The following MAGI2 variants were observed in gnomAD, a reference collection of about 807,000 sequenced individuals.
MAGI2 encodes the protein membrane associated guanylate kinase, WW and PDZ domain containing 2.
MAGI2 carries 35 observed loss-of-function variants against 133.3 expected under a neutral mutation model. The observed-to-expected ratio is 0.26, with a 90% CI of 0.20 to 0.35. MAGI2 has a LOEUF of 0.35. Ranked by LOEUF, MAGI2 falls within the 10% of genes least tolerant of loss-of-function variation. The pLI, the probability that MAGI2 is intolerant of heterozygous loss-of-function variation, is 1.00. For synonymous variants in MAGI2, 729 were observed against 710.6 expected (o/e 1.03, Z -0.41); for missense variants, 1,636 against 1,863.4 (o/e 0.88, Z 2.25).
At chr7:78,489,053 CT>C (rs372606183) in intron 6 of MAGI2, among the ~76,000 whole-genome samples, 7 of 152,090 alleles carry the variant, frequency 4.6e-5, no homozygotes, top group African/African-American at 1.7e-4. Flanking sequence ...CTTAGCTAAA[CT>C]GTAAGTGCTC....
intron 2 of MAGI2, among the ~76,000 whole-genome samples, chr7:78,701,657 TTCCTTCCTTACTTTCC>T (rs1818087623): frequency 6.6e-6 from 1 of 151,956 alleles, no homozygotes; most frequent in African/African-American, 2.4e-5. Flanking sequence ...CTTCCTTTTC[TTCCTTCCTTACTTTCC>T]TCCTTCCTTC....
Position 79,447,114 on chromosome 7 carries a change from T to A in MAGI2, c.301+5906A>T, listed in dbSNP as rs570816002. 2.3e-3 allele frequency among the ~76,000 whole-genome samples: 351 copies of A among 152,286 alleles called. 1 individual carries two copies. The highest frequency in any genetic ancestry group is 6.9e-3 in the African/African-American group (287 of 41,576). ...AACTTAACACAAATTTTAACTTTTTTAAAAATATCTCAATATGAAGTCCTT... is the reference window on the plus strand; with the variant it reads ...AACTTAACACAAATTTTAACTTTTTAAAAAATATCTCAATATGAAGTCCTT... On this transcript the variant is annotated intron_variant, in intron 1 of 21. Transcript: ENST00000354212.
chr7:78,888,067 A>G (rs1333868302), intron 2 of MAGI2, among the ~76,000 whole-genome samples: 1 of 152,228 alleles, frequency 6.6e-6, no homozygotes, highest in Non-Finnish European at 1.5e-5. Context: ...AGCAAACGGC[A>G]TACCAGGAGA....
At chr7:79,060,162 G>A (rs983085971) in intron 1 of MAGI2, among the ~76,000 whole-genome samples, 1 of 151,978 alleles carries the variant, frequency 6.6e-6, no homozygotes, top group Non-Finnish European at 1.5e-5. Context: ...AAGAAAGGAA[G>A]ACTCAGAAAA....
At chr7:78,493,475 C>G (rs1458072796) in intron 5 of MAGI2, among the ~76,000 whole-genome samples, 1 of 152,112 alleles carries the variant, frequency 6.6e-6, no homozygotes, top group Non-Finnish European at 1.5e-5. Context: ...TGCTAATGAG[C>G]CTTTGTGGCT....
At chr7:78,775,378 A>C (rs1825916853) in intron 2 of MAGI2, among the ~76,000 whole-genome samples, 1 of 147,692 alleles carries the variant, frequency 6.8e-6, no homozygotes, top group East Asian at 2.0e-4. Context: ...GGTCAAAGGC[A>C]GGCCAAAAAT....
intron 2 of MAGI2, among the ~76,000 whole-genome samples, chr7:78,636,284 G>C (rs1056805564): frequency 6.7e-6 from 1 of 149,032 alleles, no homozygotes; most frequent in Admixed American, 6.7e-5. Flanking sequence ...AAGATAACAT[G>C]TTGTCAATTT....
At chr7:79,158,552 G>C (rs1287585638) in intron 1 of MAGI2, among the ~76,000 whole-genome samples, 1 of 151,978 alleles carries the variant, frequency 6.6e-6, no homozygotes, top group Non-Finnish European at 1.5e-5. Context: ...TGACCATAAG[G>C]GTTATAAAAC....
chr7:78,909,966 T>G (rs1429471472), intron 2 of MAGI2, among the ~76,000 whole-genome samples: 8 of 152,106 alleles, frequency 5.3e-5, no homozygotes, highest in African/African-American at 1.7e-4. Flanking sequence ...TGAAAAGGAA[T>G]GAGATCATGG....
At chr7:78,379,611 C>T (rs969529874) in intron 6 of MAGI2, among the ~76,000 whole-genome samples, 1 of 152,028 alleles carries the variant, frequency 6.6e-6, no homozygotes, top group African/African-American at 2.4e-5. Context: ...TGACTATTTT[C>T]AGTCTAAGAC....
At chr7:78,056,526 T>A (rs1291268758) in intron 21 of MAGI2, among the ~76,000 whole-genome samples, 1 of 152,092 alleles carries the variant, frequency 6.6e-6, no homozygotes, top group Non-Finnish European at 1.5e-5. Flanking sequence ...AGAAACATGG[T>A]TGGAGCTGGG....
At chr7:78,378,413 G>A (rs574852926) in intron 6 of MAGI2, among the ~76,000 whole-genome samples, 11 of 151,962 alleles carry the variant, frequency 7.2e-5, no homozygotes, top group Admixed American at 5.3e-4. Flanking sequence ...TCATATAGCC[G>A]GAAAAATTGT....
intron 20 of MAGI2, among the ~76,000 whole-genome samples, chr7:78,090,650 A>G (rs1417442275): frequency 6.6e-6 from 1 of 152,246 alleles, no homozygotes; most frequent in East Asian, 1.9e-4. Context: ...CTGAGAGAAC[A>G]AAGTCTTAAC....
At chr7:78,801,637 T>C (rs1288450690) in intron 2 of MAGI2, among the ~76,000 whole-genome samples, 1 of 152,172 alleles carries the variant, frequency 6.6e-6, no homozygotes, top group Non-Finnish European at 1.5e-5. Context: ...GCACAGGGAT[T>C]ATTTCACTTA....
chr7:79,359,803 A>C (rs924898049), intron 1 of MAGI2, among the ~76,000 whole-genome samples: 1 of 152,234 alleles, frequency 6.6e-6, no homozygotes, highest in African/African-American at 2.4e-5. Flanking sequence ...TCTTAGATGA[A>C]GGAAAACTAA....
chr7:78,961,897 G>A (rs1439697335), intron 2 of MAGI2, among the ~76,000 whole-genome samples: 2 of 151,998 alleles, frequency 1.3e-5, no homozygotes, highest in South Asian at 4.2e-4. Flanking sequence ...ATATGGTATA[G>A]CCTACTATAC....
intron 20 of MAGI2, among the ~76,000 whole-genome samples, chr7:78,110,975 C>T (rs1013416628): frequency 6.6e-6 from 1 of 152,154 alleles, no homozygotes; most frequent in African/African-American, 2.4e-5. Flanking sequence ...GATCAAGGTG[C>T]ATTTCATATC....
At chr7:78,523,962 A>G (rs895059678) in intron 3 of MAGI2, among the ~76,000 whole-genome samples, 1 of 152,094 alleles carries the variant, frequency 6.6e-6, no homozygotes, top group Non-Finnish European at 1.5e-5. Flanking sequence ...AGATGGTTCT[A>G]CTAACAAAGG....
rs1398006244 is a variant in MAGI2, at chr7:78,060,262, A to G, written c.3706+18685T>C. 3.7e-5 allele frequency among the ~76,000 whole-genome samples: 5 copies of G among 134,394 alleles called. No individual in the cohort carries two copies. The East Asian group carries it at 1.3e-3, about 36-fold the overall frequency. 88.2% of individuals were successfully genotyped at this position (134,394 alleles called of 152,430 possible). A position where few individuals can be genotyped will look rare whatever the true frequency, so the allele number is the denominator to read the frequency against. ...AAAAGGGACCCCCCCCCCTCTTTAG[A>G]TTAGATTGAGAGTGTCAGTGAAAAT... On this transcript the variant is annotated intron_variant, in intron 21 of 21. Coordinates refer to ENST00000354212, the MANE Select transcript of MAGI2 (RefSeq NM_012301.4).
Sources: gnomAD v4.1 joint callset for allele counts (sites outside exome capture counted in the v4.1 genomes callset) on GRCh38, gnomAD v4.1.1 for gene constraint, MANE v1.5 for transcripts, NCBI Gene and HGNC (gene_info 2026-07-23, HGNC 2026-07-21) for gene names.